The following PACC1 variants were observed in gnomAD, a reference collection of about 807,000 sequenced individuals.
The protein encoded by PACC1 is proton-activated chloride channel.
A neutral mutation model predicts 39.7 loss-of-function variants in PACC1; 34 were observed. The observed-to-expected ratio is 0.86, with a 90% CI of 0.65 to 1.14. The LOEUF (loss-of-function observed/expected upper bound fraction) is 1.14. Ranked by LOEUF, PACC1 falls within the 50% of genes most tolerant of loss-of-function variation. PACC1 has a pLI of 0.00. For missense variants in PACC1, 379 were observed against 436.4 expected (o/e 0.87, Z 1.17); for synonymous variants, 127 against 160.6 (o/e 0.79, Z 1.58).
chr1:212,394,405 C>A (rs180674066), intron 2 of PACC1, among the ~76,000 whole-genome samples: 1 of 152,216 alleles, frequency 6.6e-6, no homozygotes, highest in African/African-American at 2.4e-5. Flanking sequence ...GCTAAAAACA[C>A]CAATAAATTA....
intron 2 of PACC1, among the ~76,000 whole-genome samples, chr1:212,396,688 A>T (rs1242191925): frequency 6.7e-6 from 1 of 150,154 alleles, no homozygotes; most frequent in African/African-American, 2.5e-5. Context: ...AATAAACGCC[A>T]ACCAGGATAA....
intron 2 of PACC1, among the ~76,000 whole-genome samples, chr1:212,391,554 C>T (rs1024950856): frequency 7.2e-5 from 11 of 152,178 alleles, no homozygotes; most frequent in Admixed American, 1.3e-4. Context: ...TCCAAAGGAA[C>T]GCAGCTCCTC....
intron 2 of PACC1, among the ~76,000 whole-genome samples, chr1:212,399,902 T>G (rs1270419348): frequency 6.6e-6 from 1 of 151,556 alleles, no homozygotes; most frequent in Non-Finnish European, 1.5e-5. Flanking sequence ...TAGAGTGCAA[T>G]GGTGCAATCT....
intron 1 of PACC1, among the ~76,000 whole-genome samples, chr1:212,412,077 G>A (rs1431246828): frequency 6.6e-6 from 1 of 151,898 alleles, no homozygotes; most frequent in African/African-American, 2.4e-5. Flanking sequence ...GGAGGCGGAG[G>A]TTGTAGTGAG....
In PACC1 at chr1:212,390,965, C is replaced by T. The variant is rs538414224; in HGVS notation, c.134-3865G>A. Among the ~76,000 whole-genome samples, 376 of 151,956 alleles carry T rather than the reference C, an allele frequency of 2.5e-3. 2 individuals are homozygous for T. The highest frequency in any genetic ancestry group is 4.1e-3 in the Non-Finnish European group (281 of 67,934). On this transcript the variant is annotated intron_variant, in intron 2 of 7. Transcript: ENST00000261455. ...CGGGAAGCTCGAACTGGGTGGAGCC[C>T]ACCGCAGCTCAAGGAGGCCTGCCTG...
At chr1:212,414,429 T>C (rs970068940) in intron 1 of PACC1, among the ~76,000 whole-genome samples, 1 of 152,234 alleles carries the variant, frequency 6.6e-6, no homozygotes, top group Admixed American at 6.5e-5. Flanking sequence ...TCAGGTAGCT[T>C]CAATCATTCA....
chr1:212,386,892 T>G lies in PACC1; in HGVS notation c.342A>C (p.Pro114=), dbSNP rs1324485553. The change falls in exon 3 of 8, where the codon CCA becomes CCC. Residue 114 remains proline (P), a splice_region_variant and synonymous_variant. Transcript: ENST00000261455. The surrounding 1 kb of genome is among the most constrained non-coding windows in gnomAD (Gnocchi z 5.0). ...SYKEVDRYDA[P]GIALYPGQAQ... is the part of the protein sequence containing the mutation. Reference sequence around the variant, plus strand: ...GCCTGGCCCAGGGGCAGGCTCTACCTGGGGCATCATAGCGATCCACTTCCT... The same window carrying G: ...GCCTGGCCCAGGGGCAGGCTCTACCGGGGGCATCATAGCGATCCACTTCCT... 1.9e-6 allele frequency: 3 copies of G among 1,614,070 alleles called. No homozygotes were observed. In the South Asian group the frequency reaches 3.3e-5, roughly 18 times the overall value.
rs1163203575 is a variant in PACC1, at chr1:212,364,023, T to C, written c.*1192A>G. The C allele has an allele frequency of 2.6e-5, 4 of 152,256 alleles. No homozygotes were observed. Among genetic ancestry groups the C allele is most frequent in the African/African-American group, 9.6e-5 (4 of 41,472 alleles). 9.4% of individuals were successfully genotyped at this position (152,256 alleles called of 1,614,324 possible). A position where few individuals can be genotyped will look rare whatever the true frequency, so the allele number is the denominator to read the frequency against. ...TACATTTGAGTTATTCCCTTTGGATTATCGGAAGCCAGATTACAAAATTTA... is the reference window on the plus strand; with the variant it reads ...TACATTTGAGTTATTCCCTTTGGATCATCGGAAGCCAGATTACAAAATTTA... On this transcript the variant is annotated 3_prime_UTR_variant, in exon 8 of 8. Transcript: ENST00000261455.
chr1:212,405,246 C>G (rs1661864803), intron 2 of PACC1, among the ~76,000 whole-genome samples: 1 of 152,148 alleles, frequency 6.6e-6, no homozygotes, highest in South Asian at 2.1e-4. Flanking sequence ...ACCTACAGTA[C>G]TCATACTTCT....
intron 2 of PACC1, among the ~76,000 whole-genome samples, chr1:212,389,947 C>T (rs1661246861): frequency 6.6e-6 from 1 of 151,858 alleles, no homozygotes; most frequent in Non-Finnish European, 1.5e-5. Flanking sequence ...AAAAAGTTCA[C>T]TGTATAGGCT....
In PACC1 at chr1:212,365,328, A is replaced by C; in HGVS notation, c.940T>G (p.Phe314Val). Residue 314 changes from phenylalanine to valine, a missense_variant, in exon 8 of 8, where the codon TTC becomes GTC. Phe to Val is a conservative substitution (Grantham distance 50, BLOSUM62 -1). Transcript: ENST00000261455. ...WNTIALLCGAFLALFKAAEFA... is the reference protein window; with the variant it reads ...WNTIALLCGAVLALFKAAEFA... ...TCTGCTGCTTTAAATAATGCCAAGA[A>C]GGCGCCACAGAGAAGAGCAATTGTG... 6.2e-7 allele frequency: 1 copy of C among 1,613,566 alleles called. No individual in the cohort carries two copies. Among genetic ancestry groups the C allele is most frequent in the Non-Finnish European group, 8.5e-7 (1 of 1,179,876 alleles).
In PACC1 at chr1:212,365,065, G is replaced by T; in HGVS notation, c.*150C>A. ...CTCTACACCGCCTCTTTTGGGACGG[G>T]GTTAGAAGTTCCAGTTTTACATGCT... On this transcript the variant is annotated 3_prime_UTR_variant, in exon 8 of 8. Coordinates refer to ENST00000261455, the MANE Select transcript of PACC1 (RefSeq NM_018252.3). The T allele has an allele frequency of 1.5e-6, 1 of 674,120 alleles. No homozygotes were observed. Among genetic ancestry groups the T allele is most frequent in the Non-Finnish European group, 2.4e-6 (1 of 421,542 alleles). 41.8% of individuals were successfully genotyped at this position (674,120 alleles called of 1,614,324 possible). A position where few individuals can be genotyped will look rare whatever the true frequency, so the allele number is the denominator to read the frequency against.
chr1:212,369,464 C>G (rs994173619), intron 7 of PACC1, among the ~76,000 whole-genome samples: 1 of 152,132 alleles, frequency 6.6e-6, no homozygotes, highest in Non-Finnish European at 1.5e-5. Flanking sequence ...GTATAGTTCA[C>G]CTGTAAAGAT....
chr1:212,404,975 G>C (rs1033554339), intron 2 of PACC1, among the ~76,000 whole-genome samples: 1 of 151,996 alleles, frequency 6.6e-6, no homozygotes, highest in Non-Finnish European at 1.5e-5. Flanking sequence ...GTTTCACCAC[G>C]CTGGCCAGGC....
At chr1:212,383,355 A>C (rs2102492654) in intron 4 of PACC1, among the ~76,000 whole-genome samples, 1 of 152,270 alleles carries the variant, frequency 6.6e-6, no homozygotes, top group East Asian at 1.9e-4. Flanking sequence ...GGGGGAGGAG[A>C]GGAGGGCATC....
intron 7 of PACC1, among the ~76,000 whole-genome samples, chr1:212,370,193 G>T (rs1324573901): frequency 6.6e-6 from 1 of 152,222 alleles, no homozygotes; most frequent in Non-Finnish European, 1.5e-5. Flanking sequence ...CTGGCCAGGT[G>T]CGGAGGCTCA....
chr1:212,395,828 A>G (rs1389384093), intron 2 of PACC1, among the ~76,000 whole-genome samples: 3 of 152,368 alleles, frequency 2.0e-5, no homozygotes, highest in Middle Eastern at 3.4e-3. Context: ...CAACAGACAC[A>G]TGAAAAAATG....
At chr1:212,388,197 T>C (rs1318798782) in intron 2 of PACC1, among the ~76,000 whole-genome samples, 3 of 152,182 alleles carry the variant, frequency 2.0e-5, no homozygotes, top group East Asian at 3.8e-4. Context: ...TGCAATGTCA[T>C]GTCTATACAT....
At chr1:212,376,744 G>C (rs1660679253) in intron 6 of PACC1, 1 of 152,144 alleles carries the variant, frequency 6.6e-6, no homozygotes, top group African/African-American at 2.4e-5. Context: ...AACCAGCCTG[G>C]ACTAGTCTGA....
Sources: allele counts gnomAD v4.1 joint callset (sites outside exome capture counted in the v4.1 genomes callset), GRCh38; gene constraint gnomAD v4.1.1; non-coding constraint Gnocchi (gnomAD v3.1); transcripts MANE v1.5; gene names NCBI Gene and HGNC (gene_info 2026-07-23, HGNC 2026-07-21).